OPCML: variants seen among roughly 807,000 people sequenced by gnomAD.
The protein encoded by OPCML is opioid-binding protein/cell adhesion molecule.
Under a neutral mutation model 37.8 loss-of-function variants are expected in OPCML, and 13 were observed. The observed-to-expected ratio is 0.34, with a 90% CI of 0.22 to 0.55. The LOEUF (loss-of-function observed/expected upper bound fraction) is 0.55, where lower values mean the gene tolerates loss of function less well. Among genes scored for constraint, OPCML ranks in the 20% least tolerant of loss-of-function variants. OPCML has a pLI of 0.91. For missense variants in OPCML, 341 were observed against 435.6 expected, an observed-to-expected ratio of 0.78 and a Z score of 1.93; for synonymous variants, 176 against 168.8, an observed-to-expected ratio of 1.04 and a Z score of -0.33.
intron 4 of OPCML, among the ~76,000 whole-genome samples, chr11:132,440,430 G>T (rs2096028665): frequency 6.6e-6 from 1 of 152,076 alleles, no homozygotes; most frequent in African/African-American, 2.4e-5. Flanking sequence ...CTGCCTCCAT[G>T]GCTGGGCCGG....
At chr11:133,373,317 C>G (rs1944717133) in intron 1 of OPCML, among the ~76,000 whole-genome samples, 1 of 151,478 alleles carries the variant, frequency 6.6e-6, no homozygotes, top group African/African-American at 2.4e-5. Context: ...AATAGCAACA[C>G]TTTGGGAGGC....
At chr11:133,478,166 C>T (rs945751453) in intron 1 of OPCML, among the ~76,000 whole-genome samples, 4 of 152,154 alleles carry the variant, frequency 2.6e-5, no homozygotes, top group African/African-American at 7.2e-5. Flanking sequence ...CCCCAAACCC[C>T]TGGAGAACAT....
chr11:132,894,124 C>A (rs1174220463), intron 2 of OPCML, among the ~76,000 whole-genome samples: 1 of 152,180 alleles, frequency 6.6e-6, no homozygotes, highest in East Asian at 1.9e-4. Flanking sequence ...AGTCCTCAGT[C>A]TACTCATTTA....
At chr11:133,181,183 A>G (rs1267058022) in intron 1 of OPCML, among the ~76,000 whole-genome samples, 1 of 152,208 alleles carries the variant, frequency 6.6e-6, no homozygotes, top group African/African-American at 2.4e-5. Context: ...GTTTGTGAAC[A>G]CACGGGTCAT....
chr11:132,555,112 C>A (rs553584637), intron 3 of OPCML, among the ~76,000 whole-genome samples: 29 of 152,020 alleles, frequency 1.9e-4, no homozygotes, highest in African/African-American at 6.8e-4. Flanking sequence ...GATGCTGCAA[C>A]CACAAGGGAA....
At position 132,416,821 on chromosome 11, in the gene OPCML, C is replaced by T. The variant is rs184681667; in HGVS notation, c.*3372G>A. 1.3e-5 allele frequency: 2 copies of T among 152,544 alleles called. No homozygotes were observed. Among genetic ancestry groups the T allele is most frequent in the African/African-American group, 4.8e-5 (2 of 41,414 alleles). The allele number at this position is 152,544 out of a possible 1,614,324, so 9.4% of individuals were successfully genotyped here. A position where few individuals can be genotyped will look rare whatever the true frequency, so the allele number is the denominator to read the frequency against. On this transcript the variant is annotated 3_prime_UTR_variant, in exon 8 of 8. Coordinates refer to ENST00000524381, the MANE Select transcript of OPCML (RefSeq NM_001012393.5). ...ACATCTCCCCCTCCCTGAATTAAAG[C>T]AAGAATGAGAAAAACTAAACATGCT...
chr11:132,603,223 A>G (rs1938046291), intron 3 of OPCML, among the ~76,000 whole-genome samples: 1 of 152,094 alleles, frequency 6.6e-6, no homozygotes, highest in Non-Finnish European at 1.5e-5. Flanking sequence ...TCTGCCAGTG[A>G]TCTCCTACTG....
chr11:133,053,460 T>C (rs549137208), intron 1 of OPCML, among the ~76,000 whole-genome samples: 2 of 152,354 alleles, frequency 1.3e-5, no homozygotes, highest in African/African-American at 4.8e-5. Context: ...GATTTGCACT[T>C]TTTACTTTCT....
chr11:132,747,741 A>G (rs1485599294), intron 2 of OPCML, among the ~76,000 whole-genome samples: 2 of 152,226 alleles, frequency 1.3e-5, no homozygotes, highest in Non-Finnish European at 1.5e-5. Flanking sequence ...ATCAACCTAA[A>G]TAAGAAAGAG....
chr11:133,503,111 G>T (rs561942985), intron 1 of OPCML, among the ~76,000 whole-genome samples: 1 of 152,192 alleles, frequency 6.6e-6, no homozygotes. Context: ...TCTAAGCTCC[G>T]TGATGGTTTT....
At chr11:133,104,638 C>T (rs1446418934) in intron 1 of OPCML, among the ~76,000 whole-genome samples, 1 of 152,154 alleles carries the variant, frequency 6.6e-6, no homozygotes, top group Non-Finnish European at 1.5e-5. Context: ...AAGATTTGAA[C>T]TAATCTTGAT....
intron 2 of OPCML, among the ~76,000 whole-genome samples, chr11:132,662,018 A>G (rs541234205): frequency 1.7e-4 from 26 of 152,372 alleles, no homozygotes; most frequent in Admixed American, 2.6e-4. Flanking sequence ...CCTGACAGAC[A>G]TCAGAAGGCA....
Position 132,657,330 on chromosome 11 carries a change from G to C in OPCML, c.147-11C>G, listed in dbSNP as rs1384122982. The stretch of plus-strand genomic sequence containing the variant: ...TCATCTATGGTACACCTGCAGTGAG[G>C]CAGGGAGTGGTGGAGGGAGGAAGAA... On this transcript the variant is annotated splice_polypyrimidine_tract_variant and intron_variant, in intron 2 of 7. Coordinates refer to ENST00000524381, the MANE Select transcript of OPCML (RefSeq NM_001012393.5). The C allele has an allele frequency of 6.2e-7, 1 of 1,613,712 alleles. No individual in the cohort carries two copies. Among genetic ancestry groups the C allele is most frequent in the Admixed American group, 1.7e-5 (1 of 60,018 alleles).
chr11:133,379,062 T>G (rs750770286), intron 1 of OPCML, among the ~76,000 whole-genome samples: 2 of 152,204 alleles, frequency 1.3e-5, no homozygotes, highest in Non-Finnish European at 2.9e-5. Context: ...GGCCACTATA[T>G]GCAAATTTGA....
chr11:133,370,457 G>A (rs1944647681), intron 1 of OPCML, among the ~76,000 whole-genome samples: 1 of 138,814 alleles, frequency 7.2e-6, no homozygotes, highest in Non-Finnish European at 1.6e-5. Context: ...AAAAAGGAAG[G>A]AAATCCCGTT....
intron 1 of OPCML, among the ~76,000 whole-genome samples, chr11:133,093,299 A>C (rs1485112799): frequency 6.8e-6 from 1 of 147,266 alleles, no homozygotes. Context: ...TTTTTTTAAA[A>C]TTTACTTTAA....
intron 1 of OPCML, among the ~76,000 whole-genome samples, chr11:133,354,314 AGTG>A (rs1266771698): frequency 5.8e-4 from 5 of 8,554 alleles, no homozygotes; most frequent in African/African-American, 1.1e-3. Context: ...ACGTGTTGGT[AGTG>A]GTGGTGGTGG....
intron 1 of OPCML, among the ~76,000 whole-genome samples, chr11:133,447,422 G>A (rs547899001): frequency 6.6e-6 from 1 of 152,214 alleles, no homozygotes; most frequent in African/African-American, 2.4e-5. Flanking sequence ...CTTGTTGCCT[G>A]GTATATTGTG....
At chr11:132,612,173 G>A (rs1226416717) in intron 3 of OPCML, among the ~76,000 whole-genome samples, 1 of 152,162 alleles carries the variant, frequency 6.6e-6, no homozygotes, top group African/African-American at 2.4e-5. Flanking sequence ...TGGATCTCAG[G>A]AAGAGTTTTC....
Sources: gnomAD v4.1 joint callset for allele counts (sites outside exome capture counted in the v4.1 genomes callset) on GRCh38, gnomAD v4.1.1 for gene constraint, MANE v1.5 for transcripts, NCBI Gene and HGNC (gene_info 2026-07-23, HGNC 2026-07-21) for gene names.